The following MCTP1 variants were observed in gnomAD, a reference collection of about 807,000 sequenced individuals.
MCTP1 encodes the protein multiple C2 and transmembrane domain-containing protein 1.
MCTP1 carries 69 observed loss-of-function variants against 120.6 expected under a neutral mutation model. That is an observed-to-expected ratio of 0.57 (90% CI 0.47 to 0.70). The LOEUF is 0.70. MCTP1 is among the 30% of genes least tolerant of loss of function. The pLI is 0.00. For missense variants in MCTP1, 1,203 were observed against 1,248.8 expected, an observed-to-expected ratio of 0.96 and a Z score of 0.55; for synonymous variants, 529 against 493.1, an observed-to-expected ratio of 1.07 and a Z score of -0.96.
intron 19 of MCTP1, among the ~76,000 whole-genome samples, chr5:94,750,306 T>C (rs1206418197): frequency 6.6e-6 from 1 of 152,254 alleles, no homozygotes; most frequent in Non-Finnish European, 1.5e-5. Flanking sequence ...GGAAGCATTA[T>C]TTTCTCAATG....
chr5:94,772,438 G>A lies in MCTP1; in HGVS notation c.2610+6672C>T, dbSNP rs796621994. On this transcript the variant is annotated intron_variant, in intron 19 of 22. Transcript: ENST00000515393. ...GCAGCTGCCAGCTGCCATCTGCTCT[G>A]ATGGCCTCTCCACTTCTGATCACAT... Among the ~76,000 whole-genome samples the A allele has an allele frequency of 1.3e-4, 20 of 152,238 alleles. 1 individual carries two copies. Among genetic ancestry groups the A allele is most frequent in the African/African-American group, 4.3e-4 (18 of 41,548 alleles).
intron 1 of MCTP1, among the ~76,000 whole-genome samples, chr5:95,029,730 G>A (rs778480633): frequency 2.6e-5 from 4 of 152,138 alleles, no homozygotes; most frequent in Non-Finnish European, 4.4e-5. Flanking sequence ...GTGGTGATTT[G>A]GGAACTTCCT....
chr5:94,752,108 A>AATATATATATATATAT lies in MCTP1; in HGVS notation c.2610+26986_2610+27001dup, dbSNP rs146434254. Among the ~76,000 whole-genome samples, 454 of 75,628 alleles carry AATATATATATATATAT rather than the reference A, an allele frequency of 6.0e-3. 31 individuals carry two copies. Among genetic ancestry groups the AATATATATATATATAT allele is most frequent in the Middle Eastern group, 8.6e-3 (1 of 116 alleles). The allele number at this position is 75,628 out of a possible 152,430, so 49.6% of individuals were successfully genotyped here. On this transcript the variant is annotated intron_variant, in intron 19 of 22. Coordinates refer to ENST00000515393, the MANE Select transcript of MCTP1 (RefSeq NM_024717.7). ...ATGTACCCTAAAACTTAAATAATAAAATATATATATATATATATATATATA... is the reference window on the plus strand; with the variant it reads ...ATGTACCCTAAAACTTAAATAATAAAATATATATATATATATATATATATATATATATATATATATA...
intron 17 of MCTP1, among the ~76,000 whole-genome samples, chr5:94,863,728 A>G (rs955702647): frequency 2.6e-5 from 4 of 151,878 alleles, no homozygotes; most frequent in African/African-American, 9.7e-5. Context: ...GAAGTACATG[A>G]TAAGTGTACT....
chr5:94,816,924 TTTC>T (rs1160665033), intron 17 of MCTP1, among the ~76,000 whole-genome samples: 8 of 152,208 alleles, frequency 5.3e-5, no homozygotes, highest in African/African-American at 9.7e-5. Context: ...AAAATGTTAT[TTTC>T]TTCTTCTTAC....
chr5:95,029,123 T>C (rs1014919642), intron 1 of MCTP1, among the ~76,000 whole-genome samples: 1 of 142,152 alleles, frequency 7.0e-6, no homozygotes, highest in Non-Finnish European at 1.5e-5. Context: ...GCCACTGCAC[T>C]ACAGCCTGGG....
At chr5:95,238,217 C>G (rs1478620598) in intron 1 of MCTP1, among the ~76,000 whole-genome samples, 1 of 152,176 alleles carries the variant, frequency 6.6e-6, no homozygotes, top group East Asian at 1.9e-4. Context: ...CAGTTTCTTT[C>G]TCTGACTCTC....
chr5:95,020,620 T>C (rs1838019751), intron 1 of MCTP1, among the ~76,000 whole-genome samples: 1 of 152,144 alleles, frequency 6.6e-6, no homozygotes, highest in African/African-American at 2.4e-5. Context: ...TGTCCTTTTT[T>C]CCCCTCTAAT....
At chr5:94,771,540 C>G (rs931236463) in intron 19 of MCTP1, among the ~76,000 whole-genome samples, 29 of 152,210 alleles carry the variant, frequency 1.9e-4, no homozygotes, top group African/African-American at 7.0e-4. Flanking sequence ...CAATAACCCA[C>G]TCTCATTTTT....
At chr5:94,835,879 C>T (rs1219825792) in intron 17 of MCTP1, among the ~76,000 whole-genome samples, 4 of 152,210 alleles carry the variant, frequency 2.6e-5, no homozygotes, top group East Asian at 1.9e-4. Context: ...TGGTGGGCGC[C>T]TGTAGTCCCA....
chr5:94,925,496 C>A (rs1017485653), intron 6 of MCTP1, among the ~76,000 whole-genome samples: 1 of 152,046 alleles, frequency 6.6e-6, no homozygotes, highest in Non-Finnish European at 1.5e-5. Context: ...GCAAGCTCCA[C>A]CTCCCGGGTT....
intron 1 of MCTP1, among the ~76,000 whole-genome samples, chr5:95,255,170 G>A (rs1351049518): frequency 1.3e-5 from 2 of 152,116 alleles, no homozygotes. Context: ...AGAAGCTCTT[G>A]TTTCTGTAAA....
intron 1 of MCTP1, among the ~76,000 whole-genome samples, chr5:95,200,213 T>A (rs1750861568): frequency 6.7e-6 from 1 of 149,700 alleles, no homozygotes; most frequent in Admixed American, 6.7e-5. Context: ...TTGACAAGGA[T>A]GTGAAGAAAA....
intron 1 of MCTP1, among the ~76,000 whole-genome samples, chr5:95,086,433 T>A (rs1340238249): frequency 6.6e-6 from 1 of 152,190 alleles, no homozygotes; most frequent in Non-Finnish European, 1.5e-5. Context: ...TACAGTAGTG[T>A]AATAAGATGG....
intron 17 of MCTP1, among the ~76,000 whole-genome samples, chr5:94,846,807 CTGTGTGTGTCTG>C (rs1283356233): frequency 1.5e-5 from 2 of 129,128 alleles, no homozygotes; most frequent in East Asian, 1.1e-3. Flanking sequence ...ATGTGTGTCT[CTGTGTGTGTCTG>C]TGTGTGTGTG....
intron 19 of MCTP1, among the ~76,000 whole-genome samples, chr5:94,733,964 A>G (rs79861138): frequency 1.3e-4 from 11 of 85,560 alleles, no homozygotes; most frequent in Non-Finnish European, 2.5e-4. Flanking sequence ...ACTCTGTCTG[A>G]AAAAAAAAAA....
chr5:94,815,281 A>G lies in MCTP1; in HGVS notation c.2437-16149T>C, dbSNP rs375210191. On this transcript the variant is annotated intron_variant, in intron 17 of 22. Transcript: ENST00000515393. ...ATACTGCTACAAAACATTTCTTAAT[A>G]TTTTTCATGATAAAGCTTAATACAT... Among the ~76,000 whole-genome samples, 4 of 152,268 alleles carry G rather than the reference A, an allele frequency of 2.6e-5. No individual in the cohort carries two copies. The South Asian group carries it at 8.3e-4, about 32-fold the overall frequency.
intron 1 of MCTP1, among the ~76,000 whole-genome samples, chr5:95,228,646 C>T (rs1754567075): frequency 6.6e-6 from 1 of 152,140 alleles, no homozygotes; most frequent in Non-Finnish European, 1.5e-5. Flanking sequence ...TGATTGTAAT[C>T]CCCAATGTTG....
intron 1 of MCTP1, among the ~76,000 whole-genome samples, chr5:95,275,929 G>A (rs925441009): frequency 6.6e-6 from 1 of 152,144 alleles, no homozygotes; most frequent in South Asian, 2.1e-4. Context: ...GGATGTTAAA[G>A]AATAGGCATG....
Sources: gnomAD v4.1 joint callset for allele counts (sites outside exome capture counted in the v4.1 genomes callset) on GRCh38, gnomAD v4.1.1 for gene constraint, MANE v1.5 for transcripts, NCBI Gene and HGNC (gene_info 2026-07-23, HGNC 2026-07-21) for gene names.